STK10: variants seen among roughly 807,000 people sequenced by gnomAD.
STK10 encodes the protein serine/threonine kinase 10.
STK10 carries 78 observed loss-of-function variants against 113.8 expected under a neutral mutation model. The observed-to-expected ratio is 0.69, with a 90% CI of 0.57 to 0.83. The LOEUF (loss-of-function observed/expected upper bound fraction) is 0.83, where lower values mean the gene tolerates loss of function less well. STK10 is among the 40% of genes least tolerant of loss of function. The pLI is 0.00. For synonymous variants in STK10, 465 were observed against 494.7 expected (o/e 0.94, Z 0.80); for missense variants, 1,109 against 1,280.1 (o/e 0.87, Z 2.04).
At chr5:172,056,696 C>A (rs1028607486) in intron 15 of STK10, among the ~76,000 whole-genome samples, 1 of 145,008 alleles carries the variant, frequency 6.9e-6, no homozygotes, top group African/African-American at 2.5e-5. Context: ...GGTGAAAGCC[C>A]AACTCTGCTA....
At chr5:172,122,317 TCCAAGATTC>T (rs977270248) in intron 3 of STK10, among the ~76,000 whole-genome samples, 1 of 152,226 alleles carries the variant, frequency 6.6e-6, no homozygotes, top group Non-Finnish European at 1.5e-5. Flanking sequence ...TCCACCATCC[TCCAAGATTC>T]CCCTGTGACC....
chr5:172,050,455 G>A (rs1040368586), intron 18 of STK10, among the ~76,000 whole-genome samples: 1 of 152,156 alleles, frequency 6.6e-6, no homozygotes, highest in Non-Finnish European at 1.5e-5. Flanking sequence ...TACTTGGGAG[G>A]CTGAGACAGG....
intron 1 of STK10, among the ~76,000 whole-genome samples, chr5:172,183,562 C>T (rs1770899161): frequency 6.7e-6 from 1 of 148,978 alleles, no homozygotes; most frequent in Admixed American, 6.6e-5. Flanking sequence ...AGTTCTCCTG[C>T]CTCGGCCTCC....
rs1286057098 is a variant in STK10, at chr5:172,043,115, G to A, written c.*1767C>T. On this transcript the variant is annotated 3_prime_UTR_variant, in exon 19 of 19. Coordinates refer to ENST00000176763, the MANE Select transcript of STK10 (RefSeq NM_005990.4). The stretch of plus-strand genomic sequence containing the variant: ...ATTTTTTTTTTTTTTTTTTTTGAGA[G>A]ACAGAGTCTCGCCCTGTCACCTAGG... 3 of 144,578 alleles carry A rather than the reference G, an allele frequency of 2.1e-5. No homozygotes were observed. Among genetic ancestry groups the A allele is most frequent in the Non-Finnish European group, 4.5e-5 (3 of 66,892 alleles). The allele number at this position is 144,578 out of a possible 1,614,324, so 9.0% of individuals were successfully genotyped here.
chr5:172,087,107 A>AGTGTGTGTGTGTGTGTGT (rs201052929), intron 10 of STK10, among the ~76,000 whole-genome samples: 1,292 of 128,916 alleles, frequency 0.01, 12 homozygotes, highest in East Asian at 0.012. Flanking sequence ...AGATGACACC[A>AGTGTGTGTGTGTGTGTGT]GTGTGTGTGT....
intron 7 of STK10, among the ~76,000 whole-genome samples, chr5:172,103,040 C>T (rs144850432): frequency 0.018 from 2,745 of 152,240 alleles, 79 homozygotes; most frequent in African/African-American, 0.063. Context: ...CCAATGGGGG[C>T]GTGAATCACT....
intron 1 of STK10, among the ~76,000 whole-genome samples, chr5:172,162,425 C>T (rs867911155): frequency 2.6e-5 from 4 of 152,170 alleles, no homozygotes; most frequent in Admixed American, 1.3e-4. Flanking sequence ...GGTGCTTGCT[C>T]GCTCACTTGC....
intron 18 of STK10, among the ~76,000 whole-genome samples, chr5:172,049,795 T>A (rs1159982231): frequency 6.6e-6 from 1 of 152,084 alleles, no homozygotes; most frequent in African/African-American, 2.4e-5. Context: ...TGCACTCACA[T>A]GTGTTTATTT....
At chr5:172,086,374 C>G (rs1276883596) in intron 10 of STK10, among the ~76,000 whole-genome samples, 1 of 152,058 alleles carries the variant, frequency 6.6e-6, no homozygotes, top group Non-Finnish European at 1.5e-5. Context: ...AAATGGAAAT[C>G]CTGACTCAAG....
chr5:172,074,551 T>C (rs893132169), intron 12 of STK10, among the ~76,000 whole-genome samples: 1 of 152,132 alleles, frequency 6.6e-6, no homozygotes, highest in Admixed American at 6.5e-5. Context: ...CCTTATATCT[T>C]ATATAACAAT....
At chr5:172,186,829 T>G (rs1321491059) in intron 1 of STK10, among the ~76,000 whole-genome samples, 1 of 151,910 alleles carries the variant, frequency 6.6e-6, no homozygotes, top group African/African-American at 2.4e-5. Flanking sequence ...ACTACTTCGG[T>G]AACTAGGCGA....
intron 18 of STK10, 21 bp downstream of exon 18, chr5:172,052,908 C>T: frequency 1.9e-6 from 3 of 1,612,450 alleles, no homozygotes; most frequent in Non-Finnish European, 2.5e-6. Flanking sequence ...AGACTGAGCC[C>T]ACCAGCTCGG....
chr5:172,165,918 C>G, intron 1 of STK10, among the ~76,000 whole-genome samples: 1 of 152,234 alleles, frequency 6.6e-6, no homozygotes, highest in South Asian at 2.1e-4. Context: ...CTCAGCCTCC[C>G]GAGTAGCTGG....
At chr5:172,086,229 A>G (rs920616434) in intron 10 of STK10, among the ~76,000 whole-genome samples, 4 of 152,196 alleles carry the variant, frequency 2.6e-5, no homozygotes, top group African/African-American at 7.2e-5. Context: ...CTACCAAGGA[A>G]GAAGAGGCAA....
intron 10 of STK10, among the ~76,000 whole-genome samples, chr5:172,084,244 T>C (rs968907826): frequency 6.6e-6 from 1 of 151,760 alleles, no homozygotes; most frequent in Non-Finnish European, 1.5e-5. Flanking sequence ...CTACTAAAAA[T>C]ACAAAATTAG....
intron 10 of STK10, among the ~76,000 whole-genome samples, chr5:172,089,438 AT>A (rs1768642009): frequency 6.6e-6 from 1 of 150,706 alleles, no homozygotes; most frequent in Non-Finnish European, 1.5e-5. Flanking sequence ...GGATGGATGG[AT>A]GGATGGATGG....
intron 1 of STK10, among the ~76,000 whole-genome samples, chr5:172,178,044 T>G (rs897908197): frequency 2.0e-5 from 3 of 152,210 alleles, no homozygotes; most frequent in Admixed American, 6.5e-5. Flanking sequence ...GCCAGGCTGG[T>G]CTCGAACTCC....
intron 10 of STK10, among the ~76,000 whole-genome samples, chr5:172,089,583 AG>A (rs1768649528): frequency 1.3e-5 from 2 of 151,768 alleles, no homozygotes; most frequent in African/African-American, 4.9e-5. Context: ...ATAAATGGAT[AG>A]AAGGATAAAA....
intron 12 of STK10, among the ~76,000 whole-genome samples, chr5:172,069,363 C>T (rs1352203153): frequency 6.6e-6 from 1 of 152,046 alleles, no homozygotes; most frequent in Admixed American, 6.6e-5. Flanking sequence ...TATGCAAACA[C>T]TTATCAAAAG....
Sources: allele counts gnomAD v4.1 joint callset (sites outside exome capture counted in the v4.1 genomes callset), GRCh38; gene constraint gnomAD v4.1.1; transcripts MANE v1.5; gene names NCBI Gene and HGNC (gene_info 2026-07-23, HGNC 2026-07-21).